Variants in IGF2R observed in about 807,000 individuals in gnomAD.
The protein encoded by IGF2R is insulin like growth factor 2 receptor, also known as cation-independent mannose-6-phosphate receptor.
Under a neutral mutation model 270.6 loss-of-function variants are expected in IGF2R, and 91 were observed. That is an observed-to-expected ratio of 0.34 (90% confidence interval 0.28 to 0.40). The LOEUF (loss-of-function observed/expected upper bound fraction) is 0.40. IGF2R is among the 10% of genes least tolerant of loss of function. IGF2R has a pLI of 1.00. For missense variants in IGF2R, 2,805 were observed against 3,188.3 expected (o/e 0.88, Z 2.90); for synonymous variants, 1,316 against 1,258.9 (o/e 1.05, Z -0.96).
Position 160,032,962 on chromosome 6 carries a change from G to A in IGF2R, c.1066G>A (p.Gly356Arg). The A allele has an allele frequency of 6.3e-7, 1 of 1,599,142 alleles. No individual in the cohort carries two copies. Among genetic ancestry groups the A allele is most frequent in the African/African-American group, 1.3e-5 (1 of 74,698 alleles). ...TTTAGGTTCATCCTATATTTCAGAT[G>A]GAAAAGAATATTTGTTTTATTTGAA... ...QSGGSSYISD[G>R]KEYLFYLNVC... Residue 356 changes from glycine to arginine, a missense_variant, in exon 9 of 48, where the codon GGA becomes AGA. Around this residue, in one of 2 missense-constraint regions of IGF2R, gnomAD observed 954 missense variants for 981.1 expected, o/e 0.97. Transcript: ENST00000356956.
intron 17 of IGF2R, 32 bp downstream of exon 17, chr6:160,047,939 C>G: frequency 7.2e-7 from 1 of 1,380,098 alleles, no homozygotes; most frequent in Non-Finnish European, 1.0e-6. Flanking sequence ...TGTTTTTGGC[C>G]TGGTACAGAT....
chr6:159,991,622 C>G (rs895972814), intron 2 of IGF2R, among the ~76,000 whole-genome samples: 3 of 152,176 alleles, frequency 2.0e-5, no homozygotes, highest in African/African-American at 7.2e-5. Flanking sequence ...GCTCTCCCTT[C>G]TCACCCACAC....
chr6:160,080,194 A>G lies in IGF2R; in HGVS notation c.5752A>G (p.Ile1918Val). 3 of 1,614,180 alleles carry G rather than the reference A, an allele frequency of 1.9e-6. No individual in the cohort carries two copies. The highest frequency in any genetic ancestry group is 2.5e-6 in the Non-Finnish European group (3 of 1,180,012). Residue 1918 changes from isoleucine to valine, a missense_variant, in exon 39 of 48, where the codon ATC becomes GTC. Physicochemically the swap from Ile to Val is conservative, Grantham distance 29. Coordinates refer to ENST00000356956, the MANE Select transcript of IGF2R (RefSeq NM_000876.4). ...CAATGGGAAGAGCTACGAGGAGTGCATCATAGAGAGCAGGGCGAAGCTGTG... is the reference window on the plus strand; with the variant it reads ...CAATGGGAAGAGCTACGAGGAGTGCGTCATAGAGAGCAGGGCGAAGCTGTG... ...IFNGKSYEECIIESRAKLWCS... is the reference protein window; with the variant it reads ...IFNGKSYEECVIESRAKLWCS...
intron 10 of IGF2R, among the ~76,000 whole-genome samples, chr6:160,038,485 C>T (rs1468641583): frequency 6.6e-6 from 1 of 152,164 alleles, no homozygotes; most frequent in East Asian, 1.9e-4. Context: ...GATGTAAAAC[C>T]AGCTCAAAAG....
chr6:160,013,275 G>T (rs1407977118), intron 4 of IGF2R, among the ~76,000 whole-genome samples: 1 of 151,906 alleles, frequency 6.6e-6, no homozygotes, highest in East Asian at 1.9e-4. Flanking sequence ...GCCTGCCCTG[G>T]CCTGTTTTTG....
intron 21 of IGF2R, 84 bp downstream of exon 21, chr6:160,058,208 A>C (rs1778355389): frequency 2.3e-6 from 2 of 887,880 alleles, no homozygotes; most frequent in Non-Finnish European, 3.8e-6. Flanking sequence ...TGGTGATATG[A>C]GAGAATTGCC....
chr6:160,047,556 C>T (rs112510243), intron 16 of IGF2R, among the ~76,000 whole-genome samples: 1 of 152,052 alleles, frequency 6.6e-6, no homozygotes, highest in Admixed American at 6.5e-5. Context: ...GGGTACAAAA[C>T]ATACAAAAGC....
intron 14 of IGF2R, 57 bp downstream of exon 14, chr6:160,045,939 T>C: frequency 7.1e-7 from 1 of 1,411,190 alleles, no homozygotes; most frequent in Non-Finnish European, 9.4e-7. Context: ...TTAAGGTTTT[T>C]TCCTTAACAT....
At chr6:160,066,444 C>T (rs959977995) in intron 29 of IGF2R, among the ~76,000 whole-genome samples, 5 of 152,058 alleles carry the variant, frequency 3.3e-5, no homozygotes, top group South Asian at 4.1e-4. Flanking sequence ...TGAGCCACTG[C>T]GCCCGGCCTT....
intron 4 of IGF2R, among the ~76,000 whole-genome samples, chr6:160,014,100 A>G (rs1006395857): frequency 1.3e-5 from 2 of 152,196 alleles, no homozygotes; most frequent in Non-Finnish European, 2.9e-5. Context: ...CTTTAAAACT[A>G]TTGTTATACT....
intron 7 of IGF2R, among the ~76,000 whole-genome samples, chr6:160,031,983 T>G (rs1583270352): frequency 6.6e-6 from 1 of 151,906 alleles, no homozygotes. Flanking sequence ...CAGAATCGGG[T>G]TTGTGTCTGG....
chr6:159,969,219 G>C lies in IGF2R; in HGVS notation c.-28G>C. ...AGCAGTCGCGCGCCGTTAGCCTCGC[G>C]CCCGCCGCGCAGTCCGGGCCCGGCG... On this transcript the variant is annotated 5_prime_UTR_variant, in exon 1 of 48. Transcript: ENST00000356956. 3.0e-6 allele frequency: 3 copies of C among 985,128 alleles called. No homozygotes were observed. Among genetic ancestry groups the C allele is most frequent in the Non-Finnish European group, 3.6e-6 (3 of 830,806 alleles). 61.0% of individuals were successfully genotyped at this position (985,128 alleles called of 1,614,324 possible).
At chr6:160,028,598 A>G (rs1777617236) in intron 6 of IGF2R, among the ~76,000 whole-genome samples, 1 of 152,350 alleles carries the variant, frequency 6.6e-6, no homozygotes, top group Admixed American at 6.5e-5. Context: ...AGCCAGGGGC[A>G]CTGGGCCCTT....
chr6:160,102,789 C>A lies in IGF2R; in HGVS notation c.6995+118C>A, dbSNP rs1418021223. 2.5e-6 allele frequency: 3 copies of A among 1,210,272 alleles called. No homozygotes were observed. The highest frequency in any genetic ancestry group is 3.4e-6 in the Non-Finnish European group (3 of 882,646). The allele number at this position is 1,210,272 out of a possible 1,614,324, so 75.0% of individuals were successfully genotyped here. On this transcript the variant is annotated intron_variant, in intron 46 of 47. Transcript: ENST00000356956. This position sits in a 1 kb window ranked among gnomAD's most constrained non-coding sequence, Gnocchi z 4.5. Reference sequence around the variant, plus strand: ...TTTAAGCCCTACAGCAGCGAAGGCTCGAGGTTCTTAGTCCAAAACTCTCTG... The same window carrying A: ...TTTAAGCCCTACAGCAGCGAAGGCTAGAGGTTCTTAGTCCAAAACTCTCTG...
At chr6:160,061,088 A>G (rs1370805932) in intron 23 of IGF2R, among the ~76,000 whole-genome samples, 9 of 152,212 alleles carry the variant, frequency 5.9e-5, no homozygotes, top group Admixed American at 4.6e-4. Context: ...CTGGAAGCTG[A>G]CAGTGTATAC....
intron 2 of IGF2R, among the ~76,000 whole-genome samples, chr6:160,008,315 T>G (rs1006492666): frequency 1.3e-5 from 2 of 152,208 alleles, no homozygotes; most frequent in African/African-American, 4.8e-5. Flanking sequence ...CCTCCTCTTT[T>G]CCCTGACCTA....
intron 37 of IGF2R, among the ~76,000 whole-genome samples, chr6:160,079,235 C>T (rs1311708620): frequency 1.3e-5 from 2 of 152,172 alleles, no homozygotes; most frequent in Non-Finnish European, 2.9e-5. Flanking sequence ...TTGGCCCGCA[C>T]AATGTCTTAT....
chr6:160,062,156 A>G (rs991902208), intron 25 of IGF2R, among the ~76,000 whole-genome samples: 5 of 148,822 alleles, frequency 3.4e-5, no homozygotes, highest in Non-Finnish European at 7.4e-5. Context: ...AACTGTGGCT[A>G]TCATTTATTT....
chr6:160,029,606 A>G lies in IGF2R; in HGVS notation c.833A>G (p.His278Arg). Residue 278 changes from histidine (H) to arginine (R), a missense_variant, in exon 7 of 48, where the codon CAC becomes CGC. Physicochemically the swap from His to Arg is conservative, Grantham distance 29 (BLOSUM62 0). Coordinates refer to ENST00000356956, the MANE Select transcript of IGF2R (RefSeq NM_000876.4). ...EAGKLDFCDGHSPAVTITFVC... is the reference protein window; with the variant it reads ...EAGKLDFCDGRSPAVTITFVC... ...GGAAAGCTAGACTTTTGTGATGGTC[A>G]CAGCCCTGCGGTGACTATTACATTT... 6.2e-7 allele frequency: 1 copy of G among 1,614,202 alleles called. No homozygotes were observed. Among genetic ancestry groups the G allele is most frequent in the Non-Finnish European group, 8.5e-7 (1 of 1,180,014 alleles).
Sources: gnomAD v4.1 joint callset for allele counts (sites outside exome capture counted in the v4.1 genomes callset) on GRCh38, gnomAD v4.1.1 for gene constraint, gnomAD v4.1.1 regional missense constraint, Gnocchi (gnomAD v3.1) non-coding constraint, MANE v1.5 for transcripts, NCBI Gene and HGNC (gene_info 2026-07-23, HGNC 2026-07-21) for gene names.